Variants in CDH13 observed in about 807,000 individuals in gnomAD.
CDH13 encodes the protein cadherin-13.
A neutral mutation model predicts 63.8 loss-of-function variants in CDH13; 24 were observed. The observed-to-expected ratio is 0.38, with a 90% CI of 0.27 to 0.53. The LOEUF (loss-of-function observed/expected upper bound fraction) is 0.53. Ranked by LOEUF, CDH13 falls within the 20% of genes least tolerant of loss-of-function variation. The pLI is 0.85. For missense variants in CDH13, 1,049 were observed against 903.1 expected, an observed-to-expected ratio of 1.16 and a Z score of -2.07; for synonymous variants, 503 against 355.3, an observed-to-expected ratio of 1.42 and a Z score of -4.67.
At chr16:82,934,345 C>T (rs146933122) in intron 2 of CDH13, among the ~76,000 whole-genome samples, 6 of 152,326 alleles carry the variant, frequency 3.9e-5, no homozygotes, top group South Asian at 2.1e-4. Flanking sequence ...TTATCCATGG[C>T]TGGAGAAGCT....
At chr16:83,377,861 T>C (rs979080949) in intron 6 of CDH13, among the ~76,000 whole-genome samples, 2 of 152,154 alleles carry the variant, frequency 1.3e-5, no homozygotes, top group African/African-American at 4.8e-5. Context: ...ACCAATAAGG[T>C]ACTTTGCAAA....
chr16:83,038,500 G>A (rs1325072683), intron 3 of CDH13, among the ~76,000 whole-genome samples: 7 of 152,134 alleles, frequency 4.6e-5, no homozygotes, highest in African/African-American at 1.7e-4. Flanking sequence ...AACCTTCCGT[G>A]CACAAAAGGG....
intron 1 of CDH13, among the ~76,000 whole-genome samples, chr16:82,656,773 G>T (rs961068258): frequency 6.6e-6 from 1 of 152,058 alleles, no homozygotes; most frequent in Admixed American, 6.6e-5. Context: ...GCAATCCACC[G>T]ATCTTTCTTC....
intron 5 of CDH13, among the ~76,000 whole-genome samples, chr16:83,255,602 T>C (rs535600344): frequency 4.6e-5 from 7 of 152,328 alleles, no homozygotes; most frequent in African/African-American, 1.4e-4. Context: ...CAAACATCAA[T>C]GTCTCATTTA....
At chr16:83,453,415 A>G (rs901944246) in intron 6 of CDH13, among the ~76,000 whole-genome samples, 11 of 152,232 alleles carry the variant, frequency 7.2e-5, no homozygotes, top group Admixed American at 3.3e-4. Context: ...CATGAAAAAA[A>G]CATGAATAAC....
intron 5 of CDH13, among the ~76,000 whole-genome samples, chr16:83,292,650 G>T (rs1052021646): frequency 2.0e-5 from 3 of 152,048 alleles, no homozygotes; most frequent in Non-Finnish European, 4.4e-5. Flanking sequence ...TCTTTGGGGT[G>T]ATAAAAATGA....
intron 2 of CDH13, among the ~76,000 whole-genome samples, chr16:82,888,238 T>C (rs750188995): frequency 1.1e-4 from 16 of 152,184 alleles, no homozygotes; most frequent in Non-Finnish European, 1.9e-4. Context: ...GGCGCTCCCA[T>C]TGCCTCATTG....
At chr16:83,505,398 C>T (rs1015425452) in intron 7 of CDH13, among the ~76,000 whole-genome samples, 1 of 152,168 alleles carries the variant, frequency 6.6e-6, no homozygotes, top group Non-Finnish European at 1.5e-5. Flanking sequence ...ATTCCTCCCC[C>T]AGGACCCTCC....
intron 3 of CDH13, among the ~76,000 whole-genome samples, chr16:83,045,203 G>A (rs904188054): frequency 6.6e-6 from 1 of 152,116 alleles, no homozygotes; most frequent in Non-Finnish European, 1.5e-5. Flanking sequence ...AAAACTCCCA[G>A]AGAAATTTTA....
chr16:83,519,929 T>G (rs1598209020), intron 7 of CDH13, among the ~76,000 whole-genome samples: 1 of 152,028 alleles, frequency 6.6e-6, no homozygotes, highest in African/African-American at 2.4e-5. Context: ...CTTGCTATGT[T>G]GAGTTTGAAA....
chr16:83,220,622 A>G (rs1252493446), intron 5 of CDH13, among the ~76,000 whole-genome samples: 2 of 149,068 alleles, frequency 1.3e-5, no homozygotes, highest in African/African-American at 2.4e-5. Context: ...AAAATAATAA[A>G]TAAATAAAAA....
At chr16:82,797,422 C>T (rs1269581770) in intron 1 of CDH13, among the ~76,000 whole-genome samples, 1 of 152,182 alleles carries the variant, frequency 6.6e-6, no homozygotes, top group Non-Finnish European at 1.5e-5. Context: ...CAGACCTTTA[C>T]CCATTCCAAG....
intron 1 of CDH13, among the ~76,000 whole-genome samples, chr16:82,710,208 T>G (rs1011372804): frequency 7.7e-6 from 1 of 130,280 alleles, no homozygotes; most frequent in African/African-American, 2.6e-5. Context: ...ATATATTACA[T>G]TAATTTATAT....
chr16:83,237,762 A>G (rs1904276863), intron 5 of CDH13, among the ~76,000 whole-genome samples: 1 of 152,334 alleles, frequency 6.6e-6, no homozygotes, highest in East Asian at 1.9e-4. Flanking sequence ...AAAGGTAGAA[A>G]TGAGAGAATA....
chr16:83,143,234 G>T (rs1361042125), intron 4 of CDH13, among the ~76,000 whole-genome samples: 1 of 151,994 alleles, frequency 6.6e-6, no homozygotes, highest in African/African-American at 2.4e-5. Flanking sequence ...TTTAAACTTG[G>T]ATATAGTTCA....
At chr16:83,086,039 G>C (rs2033573680) in intron 3 of CDH13, among the ~76,000 whole-genome samples, 1 of 152,188 alleles carries the variant, frequency 6.6e-6, no homozygotes, top group Admixed American at 6.5e-5. Flanking sequence ...TGTACTGGCT[G>C]CTCCAATTGA....
At chr16:83,154,224 T>C (rs1192927390) in intron 4 of CDH13, among the ~76,000 whole-genome samples, 1 of 151,714 alleles carries the variant, frequency 6.6e-6, no homozygotes, top group Non-Finnish European at 1.5e-5. Context: ...TGAAACAGAG[T>C]TGAAACTGAT....
intron 2 of CDH13, among the ~76,000 whole-genome samples, chr16:83,026,143 T>C (rs908006218): frequency 6.6e-6 from 1 of 152,230 alleles, no homozygotes; most frequent in Non-Finnish European, 1.5e-5. Context: ...TGCCAGGTCC[T>C]GAAACTGCAG....
At chr16:82,963,127 T>G (rs9889142) in intron 2 of CDH13, among the ~76,000 whole-genome samples, 7,693 of 151,808 alleles carry the variant, frequency 0.051, 662 homozygotes, top group African/African-American at 0.18. Flanking sequence ...TCCCAGCAGT[T>G]TGGGAGGCTG....
Sources: gnomAD v4.1 joint callset for allele counts (sites outside exome capture counted in the v4.1 genomes callset) on GRCh38, gnomAD v4.1.1 for gene constraint, MANE v1.5 for transcripts, NCBI Gene and HGNC (gene_info 2026-07-23, HGNC 2026-07-21) for gene names.